Variants in CELF1 observed in about 807,000 individuals in gnomAD.
The protein encoded by CELF1 is 50 kDa nuclear polyadenylated RNA-binding protein.
A neutral mutation model predicts 61.8 loss-of-function variants in CELF1; 10 were observed. The observed-to-expected ratio is 0.16, with a 90% confidence interval of 0.10 to 0.27. The LOEUF (loss-of-function observed/expected upper bound fraction) is 0.27, where lower values mean the gene tolerates loss of function less well. Ranked by LOEUF, CELF1 falls within the 10% of genes least tolerant of loss-of-function variation. The pLI is 1.00. For synonymous variants in CELF1, 236 were observed against 225.1 expected (o/e 1.05, Z -0.43); for missense variants, 380 against 639.1 (o/e 0.59, Z 4.37).
chr11:47,508,549 GA>G (rs1256215611), intron 1 of CELF1, among the ~76,000 whole-genome samples: 1 of 95,588 alleles, frequency 1.0e-5, no homozygotes, highest in Admixed American at 1.1e-4. Context: ...CCAAGAGAAA[GA>G]AAAAAAAATG....
intron 3 of CELF1, 38 bp from the exon 4 acceptor site, chr11:47,489,062 T>C (rs565245338): frequency 2.1e-6 from 3 of 1,440,772 alleles, no homozygotes; most frequent in African/African-American, 1.5e-5. Flanking sequence ...TATGTAATAA[T>C]GTTGCTTTCC....
At chr11:47,541,422 G>A (rs2096770095) in intron 1 of CELF1, among the ~76,000 whole-genome samples, 1 of 152,016 alleles carries the variant, frequency 6.6e-6, no homozygotes, top group Non-Finnish European at 1.5e-5. Context: ...CAGGTGTGGA[G>A]GCTCACACTT....
chr11:47,554,266 C>G (rs1203802792), upstream of CELF1, among the ~76,000 whole-genome samples: 1 of 152,038 alleles, frequency 6.6e-6, no homozygotes. Context: ...CCTAATTGTA[C>G]TGGGTAGTTT....
intron 1 of CELF1, among the ~76,000 whole-genome samples, chr11:47,529,558 C>T (rs1197207195): frequency 6.6e-6 from 1 of 152,070 alleles, no homozygotes; most frequent in African/African-American, 2.4e-5. Flanking sequence ...ACTTGGGAGG[C>T]TGAGGCAGGA....
intron 1 of CELF1, among the ~76,000 whole-genome samples, chr11:47,551,867 A>T (rs1187121757): frequency 6.6e-6 from 1 of 151,954 alleles, no homozygotes; most frequent in East Asian, 1.9e-4. Flanking sequence ...AAAATACGAA[A>T]ATTAGCCAGG....
upstream of CELF1, among the ~76,000 whole-genome samples, chr11:47,554,349 C>T (rs2097196865): frequency 6.6e-6 from 1 of 152,074 alleles, no homozygotes; most frequent in African/African-American, 2.4e-5. Context: ...CTGAAAACAT[C>T]CTATATTTAT....
chr11:47,516,894 C>T (rs767232370), intron 1 of CELF1, among the ~76,000 whole-genome samples: 8 of 152,082 alleles, frequency 5.3e-5, no homozygotes, highest in Non-Finnish European at 1.2e-4. Context: ...TGAGCCACCA[C>T]GCCCAGCTCA....
At chr11:47,532,116 C>T (rs1391607269) in intron 1 of CELF1, among the ~76,000 whole-genome samples, 1 of 151,826 alleles carries the variant, frequency 6.6e-6, no homozygotes, top group African/African-American at 2.4e-5. Context: ...CTGCAACCTT[C>T]GCCTCCCAGG....
chr11:47,557,012 G>A (rs1382051652), upstream of CELF1, among the ~76,000 whole-genome samples: 1 of 152,076 alleles, frequency 6.6e-6, no homozygotes, highest in Non-Finnish European at 1.5e-5. Context: ...CGATTCTGCT[G>A]CCTCAGCCTC....
intron 1 of CELF1, among the ~76,000 whole-genome samples, chr11:47,527,283 CA>C (rs2096279687): frequency 6.6e-6 from 1 of 152,064 alleles, no homozygotes; most frequent in Non-Finnish European, 1.5e-5. Context: ...CCCAACTACT[CA>C]GGGGGCTGAG....
intron 1 of CELF1, among the ~76,000 whole-genome samples, chr11:47,545,875 G>GTC (rs1228507653): frequency 3.6e-5 from 4 of 111,832 alleles, no homozygotes; most frequent in Middle Eastern, 3.9e-3. Context: ...GTCTGCGTGT[G>GTC]TGTGTGTGTG....
chr11:47,530,821 G>A (rs758530646), intron 1 of CELF1, among the ~76,000 whole-genome samples: 11 of 152,070 alleles, frequency 7.2e-5, no homozygotes, highest in Non-Finnish European at 1.6e-4. Flanking sequence ...CAGGCATGGT[G>A]GCATGTGCCT....
At chr11:47,518,271 G>A (rs2095664855) in intron 1 of CELF1, among the ~76,000 whole-genome samples, 1 of 152,166 alleles carries the variant, frequency 6.6e-6, no homozygotes, top group African/African-American at 2.4e-5. Context: ...CGTTCATGCA[G>A]CTGGGACCTC....
At chr11:47,477,041 T>C (rs1288568113) in intron 11 of CELF1, 82 bp from the exon 12 acceptor site, 4 of 1,225,932 alleles carry the variant, frequency 3.3e-6, no homozygotes, top group Non-Finnish European at 4.8e-6. Flanking sequence ...TATCCAAGTA[T>C]GCTATTTGTA....
At chr11:47,550,288 TG>T (rs1237208929) in intron 1 of CELF1, among the ~76,000 whole-genome samples, 3 of 151,496 alleles carry the variant, frequency 2.0e-5, no homozygotes, top group African/African-American at 7.3e-5. Context: ...CCTAGTACTT[TG>T]GGAGGCTGAG....
At chr11:47,483,629 C>A in intron 7 of CELF1, 97 bp from the exon 8 acceptor site, 1 of 842,124 alleles carries the variant, frequency 1.2e-6, no homozygotes, top group Non-Finnish European at 2.0e-6. Flanking sequence ...GCTAGCAATA[C>A]AGACACAGTC....
intron 1 of CELF1, among the ~76,000 whole-genome samples, chr11:47,540,226 G>A (rs1320622637): frequency 1.3e-5 from 2 of 152,158 alleles, no homozygotes; most frequent in Non-Finnish European, 2.9e-5. Context: ...GAATGGACAG[G>A]AAAAGCCTCA....
chr11:47,545,139 A>T (rs1418056484), intron 1 of CELF1, among the ~76,000 whole-genome samples: 1 of 152,100 alleles, frequency 6.6e-6, no homozygotes, highest in Non-Finnish European at 1.5e-5. Context: ...ATAAAAATAC[A>T]AAAATTAAGA....
At chr11:47,486,411 A>C (rs1234097935) in intron 6 of CELF1, among the ~76,000 whole-genome samples, 1 of 151,858 alleles carries the variant, frequency 6.6e-6, no homozygotes, top group Non-Finnish European at 1.5e-5. Context: ...AACTAGGCAG[A>C]AATCTTTTTT....
Sources: gnomAD v4.1 joint callset for allele counts (sites outside exome capture counted in the v4.1 genomes callset) on GRCh38, gnomAD v4.1.1 for gene constraint, MANE v1.5 for transcripts, NCBI Gene and HGNC (gene_info 2026-07-23, HGNC 2026-07-21) for gene names.